Variants in NBAS observed in about 807,000 individuals in gnomAD.
NBAS encodes the protein NAG/BC035112 fusion.
NBAS carries 219 observed loss-of-function variants against 302.5 expected under a neutral mutation model. The observed-to-expected ratio is 0.72, with a 90% CI of 0.65 to 0.81. The LOEUF is 0.81. Ranked by LOEUF, NBAS falls within the 30% of genes least tolerant of loss-of-function variation. The pLI is 0.00. For synonymous variants in NBAS, 1,118 were observed against 1,021.6 expected (o/e 1.09, Z -1.80); for missense variants, 2,932 against 2,841.6 (o/e 1.03, Z -0.72).
chr2:14,991,354 G>A, the NBAS span, among the ~76,000 whole-genome samples: 4 of 152,024 alleles, frequency 2.6e-5, no homozygotes, highest in Admixed American at 6.6e-5. Flanking sequence ...TCTGAAGGAC[G>A]CCTTCCTCCC....
the NBAS span, among the ~76,000 whole-genome samples, chr2:15,133,234 G>C: frequency 2.6e-5 from 4 of 152,074 alleles, no homozygotes. Context: ...AATCAGAAGA[G>C]GCAGAACCTT....
chr2:14,948,488 T>C, the NBAS span, among the ~76,000 whole-genome samples: 56 of 151,950 alleles, frequency 3.7e-4, no homozygotes, highest in Non-Finnish European at 6.9e-4. Context: ...AAGAAACCAA[T>C]CCCATTTACA....
the NBAS span, among the ~76,000 whole-genome samples, chr2:14,896,141 T>C: frequency 6.6e-6 from 1 of 151,982 alleles, no homozygotes; most frequent in Non-Finnish European, 1.5e-5. Context: ...TAGTACAAAT[T>C]ACCTGAATCG....
intron 51 of NBAS, among the ~76,000 whole-genome samples, chr2:15,175,627 C>A (rs1395653497): frequency 1.3e-5 from 2 of 152,072 alleles, no homozygotes; most frequent in Admixed American, 6.5e-5. Flanking sequence ...GAAGTCTATA[C>A]CATGCAGGGT....
the NBAS span, among the ~76,000 whole-genome samples, chr2:15,071,824 C>T: frequency 6.6e-6 from 1 of 151,936 alleles, no homozygotes. Context: ...GTCTCATCCT[C>T]CTGCTTCTGA....
intron 21 of NBAS, among the ~76,000 whole-genome samples, chr2:15,460,585 C>T (rs893237046): frequency 6.6e-5 from 10 of 152,292 alleles, no homozygotes; most frequent in Admixed American, 5.9e-4. Flanking sequence ...ACTCCCTCTC[C>T]TTTATTCTCA....
At chr2:14,850,298 A>G in the NBAS span, among the ~76,000 whole-genome samples, 1 of 122,192 alleles carries the variant, frequency 8.2e-6, no homozygotes, top group Non-Finnish European at 1.6e-5. Context: ...GATAAAACAC[A>G]CTTTAAATCA....
At chr2:15,502,659 G>C (rs1398765811) in intron 11 of NBAS, among the ~76,000 whole-genome samples, 1 of 152,228 alleles carries the variant, frequency 6.6e-6, no homozygotes, top group Non-Finnish European at 1.5e-5. Flanking sequence ...CATTGACCAT[G>C]AATGGAGCTT....
At chr2:15,090,154 C>T in the NBAS span, among the ~76,000 whole-genome samples, 3,958 of 152,244 alleles carry the variant, frequency 0.026, 191 homozygotes, top group African/African-American at 0.091. Context: ...CTACTATGGC[C>T]TCTGCCATTT....
rs749076701 is a variant in NBAS, at chr2:15,554,041, T to C, written c.287+20A>G. On this transcript the variant is annotated intron_variant, in intron 4 of 51. Coordinates refer to ENST00000281513, the MANE Select transcript of NBAS (RefSeq NM_015909.4). ...AAAGCTAATCCAGACAGAAAAACAT[T>C]GAATTTCACACTTCCTTACCTTGCA... The C allele has an allele frequency of 2.5e-5, 35 of 1,411,836 alleles. No individual in the cohort carries two copies. The highest frequency in any genetic ancestry group is 3.2e-5 in the Non-Finnish European group (34 of 1,054,932). 87.5% of individuals were successfully genotyped at this position (1,411,836 alleles called of 1,614,324 possible).
the NBAS span, among the ~76,000 whole-genome samples, chr2:15,034,276 GAGAGAA>G: frequency 1.2e-4 from 10 of 81,984 alleles, no homozygotes; most frequent in African/African-American, 5.4e-4. Context: ...AAGAAAGAAA[GAGAGAA>G]AGAAAGAAAG....
the NBAS span, among the ~76,000 whole-genome samples, chr2:15,096,752 G>A: frequency 6.6e-6 from 1 of 152,160 alleles, no homozygotes; most frequent in African/African-American, 2.4e-5. Flanking sequence ...TACGCTGAGG[G>A]TTTGTTCCCT....
chr2:15,043,387 C>T, the NBAS span, among the ~76,000 whole-genome samples: 40 of 152,278 alleles, frequency 2.6e-4, 1 homozygote, highest in East Asian at 2.1e-3. Context: ...CCTAGCCCAT[C>T]TTGTCTTTCA....
intron 6 of NBAS, 114 bp downstream of exon 6, chr2:15,551,379 A>G: frequency 1.6e-6 from 1 of 629,130 alleles, no homozygotes; most frequent in Non-Finnish European, 2.6e-6. Flanking sequence ...TTATTTTAAT[A>G]GTCATGATAA....
At chr2:15,497,255 G>A (rs1221628326) in intron 11 of NBAS, among the ~76,000 whole-genome samples, 2 of 152,162 alleles carry the variant, frequency 1.3e-5, no homozygotes, top group Middle Eastern at 3.2e-3. Flanking sequence ...CTTTCTTCAA[G>A]CAAGAAAATG....
chr2:14,993,524 C>A, the NBAS span, among the ~76,000 whole-genome samples: 3 of 152,130 alleles, frequency 2.0e-5, no homozygotes, highest in African/African-American at 7.2e-5. Context: ...CATACATTAA[C>A]GACAATCATT....
chr2:15,534,943 A>G (rs1199673175), intron 8 of NBAS, among the ~76,000 whole-genome samples: 1 of 152,238 alleles, frequency 6.6e-6, no homozygotes, highest in Non-Finnish European at 1.5e-5. Flanking sequence ...GAATGGTTGT[A>G]ACAGCATTAT....
chr2:15,397,616 G>A (rs950022531), intron 26 of NBAS: 21 of 594,174 alleles, frequency 3.5e-5, no homozygotes, highest in African/African-American at 1.7e-4. Flanking sequence ...AAAGACGCTC[G>A]CTTCAGAAAT....
At chr2:15,112,609 G>A in the NBAS span, among the ~76,000 whole-genome samples, 1 of 152,108 alleles carries the variant, frequency 6.6e-6, no homozygotes, top group Non-Finnish European at 1.5e-5. Flanking sequence ...AACCAGGCAT[G>A]CTTTGGCAAT....
Sources: allele counts gnomAD v4.1 joint callset (sites outside exome capture counted in the v4.1 genomes callset), GRCh38; gene constraint gnomAD v4.1.1; transcripts MANE v1.5; gene names NCBI Gene and HGNC (gene_info 2026-07-23, HGNC 2026-07-21).